The following ACYP2 variants were observed in gnomAD, a reference collection of about 807,000 sequenced individuals.
ACYP2 encodes the protein acylphosphatase 2.
ACYP2 carries 12 observed loss-of-function variants against 11.2 expected under a neutral mutation model. That is an observed-to-expected ratio of 1.08 (90% CI 0.69 to 1.74). The LOEUF (loss-of-function observed/expected upper bound fraction) is 1.74, where lower values mean the gene tolerates loss of function less well. ACYP2 is among the 40% of genes most tolerant of loss of function. The pLI is 0.00. For missense variants in ACYP2, 134 were observed against 101.9 expected (o/e 1.31, Z -1.35); for synonymous variants, 43 against 32.2 (o/e 1.33, Z -1.13).
intron 2 of ACYP2, among the ~76,000 whole-genome samples, chr2:54,019,912 A>T (rs528963091): frequency 6.6e-6 from 1 of 151,784 alleles, no homozygotes; most frequent in East Asian, 2.0e-4. Context: ...GAGCCACTGC[A>T]CCTGGCCTTT....
chr2:54,072,497 TTC>T (rs757857621), intron 4 of ACYP2, among the ~76,000 whole-genome samples: 10 of 104,040 alleles, frequency 9.6e-5, no homozygotes, highest in African/African-American at 1.6e-4. Context: ...TTTTCTTTCT[TTC>T]TCTCTCTCTC....
intron 2 of ACYP2, among the ~76,000 whole-genome samples, chr2:53,980,142 A>G (rs1458501628): frequency 6.6e-6 from 1 of 151,848 alleles, no homozygotes; most frequent in East Asian, 2.0e-4. Context: ...CAGGAATTCA[A>G]GACCAGCTAT....
At position 54,091,078 on chromosome 2, in the gene ACYP2, A is replaced by C. The variant is rs376936244; in HGVS notation, c.277+33718A>C. Among the ~76,000 whole-genome samples, 35 of 152,352 alleles carry C rather than the reference A, an allele frequency of 2.3e-4. 1 individual carries two copies. Among genetic ancestry groups the C allele is most frequent in the East Asian group, 1.9e-3 (10 of 5,192 alleles). On this transcript the variant is annotated intron_variant, in intron 4 of 6. Transcript: ENST00000607452. ...GAAGAAACTCTACTAATGTTTCTCA[A>C]CACCTACAAGAGCCTGCCTGTAATG...
At chr2:54,122,554 A>G (rs1680222094) in intron 4 of ACYP2, among the ~76,000 whole-genome samples, 1 of 152,206 alleles carries the variant, frequency 6.6e-6, no homozygotes, top group Non-Finnish European at 1.5e-5. Flanking sequence ...TAAATCTCCT[A>G]CAGAAGCCCT....
At chr2:54,033,707 G>T (rs1017709014) in intron 2 of ACYP2, among the ~76,000 whole-genome samples, 17 of 152,228 alleles carry the variant, frequency 1.1e-4, no homozygotes, top group Non-Finnish European at 2.2e-4. Context: ...CATTCTGGCT[G>T]TAATGTGGAG....
intron 2 of ACYP2, among the ~76,000 whole-genome samples, chr2:53,985,767 A>T (rs1672007659): frequency 6.6e-6 from 1 of 152,086 alleles, no homozygotes. Flanking sequence ...TGGCTTGATG[A>T]TCTTCCCATA....
chr2:54,099,208 A>C (rs1474252322), intron 4 of ACYP2, among the ~76,000 whole-genome samples: 1 of 152,310 alleles, frequency 6.6e-6, no homozygotes, highest in East Asian at 1.9e-4. Context: ...TATGTTTTGA[A>C]ATATGTATAT....
rs761536064 is a variant in ACYP2, at chr2:54,042,945, A to T, written c.63-8013A>T. On this transcript the variant is annotated intron_variant, in intron 2 of 6. Coordinates refer to ENST00000607452, the MANE Select transcript of ACYP2 (RefSeq NM_001320586.2). ...CACCTCCCTATAATTTAAATATAGC[A>T]CAAAATAAATGCTCTGTCTACCTTG... 2.9e-4 allele frequency among the ~76,000 whole-genome samples: 44 copies of T among 152,206 alleles called. 1 individual carries two copies. Among genetic ancestry groups the T allele is most frequent in the Non-Finnish European group, 5.0e-4 (34 of 68,036 alleles).
At chr2:54,293,278 A>G (rs2104149134) in intron 6 of ACYP2, among the ~76,000 whole-genome samples, 1 of 152,328 alleles carries the variant, frequency 6.6e-6, no homozygotes, top group Non-Finnish European at 1.5e-5. Flanking sequence ...AACAGAAAGA[A>G]GGGCATATCT....
intron 2 of ACYP2, among the ~76,000 whole-genome samples, chr2:54,045,538 T>G (rs921071286): frequency 1.3e-5 from 2 of 152,120 alleles, no homozygotes; most frequent in Non-Finnish European, 2.9e-5. Flanking sequence ...GAACACTGGC[T>G]GGGCATGTTG....
At chr2:54,227,643 C>T (rs1363280596) in intron 6 of ACYP2, among the ~76,000 whole-genome samples, 1 of 151,888 alleles carries the variant, frequency 6.6e-6, no homozygotes, top group Non-Finnish European at 1.5e-5. Context: ...AAAATATGCA[C>T]ACTAATTCTG....
chr2:54,030,661 T>C (rs1353147320), intron 2 of ACYP2: 1 of 191,496 alleles, frequency 5.2e-6, no homozygotes, highest in Non-Finnish European at 1.1e-5. Context: ...GCGCCTCTCC[T>C]CTCTCCCTTT....
At chr2:54,282,193 C>A (rs1688879149) in intron 6 of ACYP2, among the ~76,000 whole-genome samples, 1 of 152,144 alleles carries the variant, frequency 6.6e-6, no homozygotes, top group African/African-American at 2.4e-5. Context: ...TATACAAGTT[C>A]TCCAAGTCCT....
At chr2:54,227,670 A>T (rs774284893) in intron 6 of ACYP2, among the ~76,000 whole-genome samples, 1 of 152,160 alleles carries the variant, frequency 6.6e-6, no homozygotes, top group Non-Finnish European at 1.5e-5. Context: ...CTGCTTTTGA[A>T]GGTATCACAC....
At chr2:53,975,022 A>G (rs926031619) in intron 2 of ACYP2, among the ~76,000 whole-genome samples, 1 of 152,020 alleles carries the variant, frequency 6.6e-6, no homozygotes, top group Non-Finnish European at 1.5e-5. Flanking sequence ...AAGATTTCGA[A>G]GAGACCAGCC....
chr2:54,277,469 G>C (rs1688648361), intron 6 of ACYP2, among the ~76,000 whole-genome samples: 1 of 152,156 alleles, frequency 6.6e-6, no homozygotes, highest in Non-Finnish European at 1.5e-5. Flanking sequence ...CATGAGGTCA[G>C]GAGTTCGAGA....
At chr2:54,112,512 T>C (rs893989359) in intron 4 of ACYP2, among the ~76,000 whole-genome samples, 1 of 152,166 alleles carries the variant, frequency 6.6e-6, no homozygotes, top group Non-Finnish European at 1.5e-5. Context: ...CAATTAAAAA[T>C]ATGTGGGAAG....
rs551093056 is a variant in ACYP2 at position 53,988,526 on chromosome 2, G to A, written c.62+14716G>A. Among the ~76,000 whole-genome samples the A allele has an allele frequency of 1.7e-3, 263 of 151,210 alleles. 1 individual carries two copies. The East Asian group carries it at 0.018, about 10-fold the overall frequency. On this transcript the variant is annotated intron_variant, in intron 2 of 6. Coordinates refer to ENST00000607452, the MANE Select transcript of ACYP2 (RefSeq NM_001320586.2). ...AGTGATCCTCTTGCCTCAGCCTCCC[G>A]AGAAGCTGGGACCACAGGCATGTGC...
At chr2:54,037,945 C>A (rs1397980341) in intron 2 of ACYP2, among the ~76,000 whole-genome samples, 1 of 152,192 alleles carries the variant, frequency 6.6e-6, no homozygotes, top group Non-Finnish European at 1.5e-5. Flanking sequence ...TCACTGTGTG[C>A]ATCATGCAGA....
Sources: allele counts gnomAD v4.1 joint callset (sites outside exome capture counted in the v4.1 genomes callset), GRCh38; gene constraint gnomAD v4.1.1; transcripts MANE v1.5; gene names NCBI Gene and HGNC (gene_info 2026-07-23, HGNC 2026-07-21).